ACCSL: variants seen among roughly 807,000 people sequenced by gnomAD.
ACCSL encodes the protein 1-aminocyclopropane-1-carboxylate synthase homolog (inactive) like, also known as probable inactive 1-aminocyclopropane-1-carboxylate synthase-like protein 2.
In ACCSL, 55 loss-of-function variants were observed where a neutral mutation model predicts 61.7. That is an observed-to-expected ratio of 0.89 (90% CI 0.72 to 1.12). The LOEUF (loss-of-function observed/expected upper bound fraction) is 1.12, where lower values mean the gene tolerates loss of function less well. Ranked by LOEUF, ACCSL falls within the 50% of genes most tolerant of loss-of-function variation. The probability of loss-of-function intolerance (pLI) is 0.00; values close to 1 mark genes in which losing one functional copy is unlikely to be tolerated. For missense variants in ACCSL, 632 were observed against 698.0 expected (o/e 0.91, Z 1.07); for synonymous variants, 258 against 264.3 (o/e 0.98, Z 0.23).
chr11:43,943,549 G>A, the ACCSL span: 1 of 1,319,268 alleles, frequency 7.6e-7, no homozygotes, highest in Non-Finnish European at 1.0e-6. This position sits in a 1 kb window ranked among gnomAD's most constrained non-coding sequence, Gnocchi z 4.8. Flanking sequence ...CTGTGAGTGT[G>A]TGCGGGGAGG....
the ACCSL span, among the ~76,000 whole-genome samples, chr11:43,990,759 C>T: frequency 4.6e-5 from 7 of 152,280 alleles, no homozygotes; most frequent in South Asian, 2.1e-4. Flanking sequence ...TCACTGGTTT[C>T]GCCATCTCTT....
chr11:43,922,531 C>G, the ACCSL span, among the ~76,000 whole-genome samples: 1 of 152,206 alleles, frequency 6.6e-6, no homozygotes, highest in Non-Finnish European at 1.5e-5. Context: ...TCAGCATCCT[C>G]TAGCCAGAAA....
At chr11:43,933,339 C>T in the ACCSL span, 1 of 347,650 alleles carries the variant, frequency 2.9e-6, no homozygotes, top group Non-Finnish European at 5.7e-6. Context: ...GAGAACCAGC[C>T]CTCCCAGGGG....
the ACCSL span, among the ~76,000 whole-genome samples, chr11:43,962,712 G>T: frequency 1.3e-5 from 2 of 152,242 alleles, no homozygotes; most frequent in East Asian, 3.8e-4. Context: ...AAGAAATGAA[G>T]CAGGCTTGAG....
At chr11:43,963,501 G>A in the ACCSL span, among the ~76,000 whole-genome samples, 3 of 152,200 alleles carry the variant, frequency 2.0e-5, no homozygotes, top group Non-Finnish European at 4.4e-5. Flanking sequence ...CTTCTACAGA[G>A]CAGATGATAA....
intron 3 of ACCSL, 25 bp downstream of exon 3, chr11:44,050,647 C>T (rs745785799): frequency 1.2e-6 from 2 of 1,608,358 alleles, no homozygotes; most frequent in Admixed American, 3.4e-5. Flanking sequence ...GATTTAGAGT[C>T]TCTTGGTCCC....
the ACCSL span, among the ~76,000 whole-genome samples, chr11:43,986,116 C>T: frequency 6.6e-6 from 1 of 151,798 alleles, no homozygotes; most frequent in East Asian, 1.9e-4. Flanking sequence ...GGTGCCATTC[C>T]TCTTCCCCTT....
the ACCSL span, among the ~76,000 whole-genome samples, chr11:43,929,379 G>A: frequency 2.6e-5 from 4 of 151,624 alleles, no homozygotes; most frequent in Admixed American, 1.3e-4. Context: ...GCCATCATGC[G>A]CAGCTAATTT....
At chr11:43,949,238 A>G in the ACCSL span, among the ~76,000 whole-genome samples, 1 of 152,142 alleles carries the variant, frequency 6.6e-6, no homozygotes, top group Non-Finnish European at 1.5e-5. Flanking sequence ...TGGTGCTTCC[A>G]TGCCTTCTTG....
chr11:43,932,213 G>A, the ACCSL span, among the ~76,000 whole-genome samples: 2 of 152,232 alleles, frequency 1.3e-5, no homozygotes, highest in Non-Finnish European at 2.9e-5. Context: ...CAGGGAGAAG[G>A]ATGGGGCACA....
At chr11:44,039,663 T>C in the ACCSL span, among the ~76,000 whole-genome samples, 1 of 152,182 alleles carries the variant, frequency 6.6e-6, no homozygotes, top group South Asian at 2.1e-4. Flanking sequence ...AAATAAAAAA[T>C]AAATAAAATG....
chr11:44,014,664 C>T, the ACCSL span, among the ~76,000 whole-genome samples: 2 of 152,102 alleles, frequency 1.3e-5, no homozygotes, highest in South Asian at 2.1e-4. Flanking sequence ...GAGAGGGGAT[C>T]GTAGGGTCCA....
At chr11:43,964,117 G>T in the ACCSL span, among the ~76,000 whole-genome samples, 1 of 151,990 alleles carries the variant, frequency 6.6e-6, no homozygotes, top group Non-Finnish European at 1.5e-5. Flanking sequence ...TAAAGAGGTT[G>T]AATCAGTAAT....
chr11:43,928,199 G>A, the ACCSL span, among the ~76,000 whole-genome samples: 10 of 152,306 alleles, frequency 6.6e-5, no homozygotes, highest in East Asian at 3.9e-4. Context: ...CACATCAGGC[G>A]TAGGAGCTGG....
At chr11:44,008,573 G>A in the ACCSL span, among the ~76,000 whole-genome samples, 1 of 152,260 alleles carries the variant, frequency 6.6e-6, no homozygotes, top group African/African-American at 2.4e-5. Flanking sequence ...TGGTTAAGAA[G>A]ATGGCTTGGG....
the ACCSL span, among the ~76,000 whole-genome samples, chr11:43,952,898 C>CGG: frequency 6.6e-6 from 1 of 152,178 alleles, no homozygotes; most frequent in Non-Finnish European, 1.5e-5. Context: ...CTCCCAGAAC[C>CGG]GGGTTGGCCA....
the ACCSL span, among the ~76,000 whole-genome samples, chr11:43,928,234 GGA>G: frequency 6.6e-6 from 1 of 152,140 alleles, no homozygotes; most frequent in African/African-American, 2.4e-5. Flanking sequence ...AGAAGACCTG[GGA>G]GAGAGACTGC....
upstream of ACCSL, among the ~76,000 whole-genome samples, chr11:44,044,890 C>A (rs908549324): frequency 6.6e-6 from 1 of 152,084 alleles, no homozygotes; most frequent in African/African-American, 2.4e-5. Flanking sequence ...AGAGAAGGCC[C>A]CCGGGTGAAT....
chr11:44,059,403 T>G (rs1180234166), intron 13 of ACCSL, among the ~76,000 whole-genome samples: 1 of 152,224 alleles, frequency 6.6e-6, no homozygotes, highest in Non-Finnish European at 1.5e-5. Flanking sequence ...AATAGGACAT[T>G]CATGTGAACA....
Sources: gnomAD v4.1 joint callset for allele counts (sites outside exome capture counted in the v4.1 genomes callset) on GRCh38, gnomAD v4.1.1 for gene constraint, Gnocchi (gnomAD v3.1) non-coding constraint, MANE v1.5 for transcripts, NCBI Gene and HGNC (gene_info 2026-07-23, HGNC 2026-07-21) for gene names.